Variants in ZNF286A observed in about 807,000 individuals in gnomAD.
ZNF286A encodes the protein zinc finger protein ZNF286.
In ZNF286A, 34 loss-of-function variants were observed where a neutral mutation model predicts 49.3. The observed-to-expected ratio is 0.69, with a 90% CI of 0.52 to 0.92. The LOEUF is 0.92. Among genes scored for constraint, ZNF286A ranks in the 40% least tolerant of loss-of-function variants. ZNF286A has a pLI of 0.00. For synonymous variants in ZNF286A, 155 were observed against 200.4 expected (o/e 0.77, Z 1.91); for missense variants, 462 against 600.2 (o/e 0.77, Z 2.41).
chr17:15,716,378 T>C lies in ZNF286A; in HGVS notation c.654T>C (p.His218=), dbSNP rs1443511784. ...TTCCCAAAGGATCTTATGCCTTCCA[T>C]ACACTTGAAAAAAGCTTGAAACAAA... ...DRVPKGSYAF[H]TLEKSLKQKS... Residue 218 remains histidine (H), a synonymous_variant, in exon 6 of 6, where the codon CAT becomes CAC. Transcript: ENST00000583566. 9.3e-6 allele frequency: 15 copies of C among 1,613,590 alleles called. No individual in the cohort carries two copies. The highest frequency in any genetic ancestry group is 6.8e-6 in the Non-Finnish European group (8 of 1,179,854).
intron 5 of ZNF286A, among the ~76,000 whole-genome samples, chr17:15,710,643 G>T (rs1011759590): frequency 6.6e-6 from 1 of 151,840 alleles, no homozygotes; most frequent in East Asian, 1.9e-4. Context: ...ATCCTTCCTG[G>T]ATATTATTAT....
chr17:15,710,130 T>G (rs539388678), intron 5 of ZNF286A, among the ~76,000 whole-genome samples: 2 of 152,312 alleles, frequency 1.3e-5, no homozygotes, highest in South Asian at 4.1e-4. Flanking sequence ...TTTATATCTT[T>G]TCTCTTGATT....
chr17:15,704,408 C>T (rs1300331473), intron 3 of ZNF286A: 6 of 1,607,034 alleles, frequency 3.7e-6, no homozygotes, highest in Non-Finnish European at 5.1e-6. Flanking sequence ...CCGGCTTCGG[C>T]CCTGCCGCTG....
At chr17:15,705,042 G>A (rs1365203023) in intron 3 of ZNF286A, 18 of 475,348 alleles carry the variant, frequency 3.8e-5, no homozygotes, top group South Asian at 4.0e-5. Flanking sequence ...TGCCTCTGAC[G>A]TCCGCCGCGC....
chr17:15,710,597 T>C (rs1473374072), intron 5 of ZNF286A, among the ~76,000 whole-genome samples: 5 of 152,204 alleles, frequency 3.3e-5, no homozygotes, highest in Non-Finnish European at 7.3e-5. Context: ...CTGTTTTATT[T>C]ACTATACTTA....
At chr17:15,708,893 C>T (rs1990439362) in intron 5 of ZNF286A, among the ~76,000 whole-genome samples, 1 of 152,124 alleles carries the variant, frequency 6.6e-6, no homozygotes, top group Non-Finnish European at 1.5e-5. Context: ...TGAATAATGC[C>T]ACTATGTACA....
intron 5 of ZNF286A, among the ~76,000 whole-genome samples, chr17:15,710,297 T>A (rs1408034759): frequency 3.3e-5 from 5 of 151,194 alleles, no homozygotes; most frequent in Non-Finnish European, 7.4e-5. Context: ...ACTTTTTTTT[T>A]AAATAGTGCT....
At position 15,704,912 on chromosome 17, in the gene ZNF286A, G is replaced by A. The variant is rs1482039604; in HGVS notation, c.127-1475G>A. 9.5e-6 allele frequency: 15 copies of A among 1,583,284 alleles called. No individual in the cohort carries two copies. The East Asian group carries it at 3.0e-4, about 32-fold the overall frequency. On this transcript the variant is annotated intron_variant, in intron 3 of 5. Coordinates refer to ENST00000583566, the MANE Select transcript of ZNF286A (RefSeq NM_001130842.2). ...ACGTTGGAGTTCATGGCTGCGGCCGGCCGGGGGCGGGTCCCCCCGGCCCCC... is the reference window on the plus strand; with the variant it reads ...ACGTTGGAGTTCATGGCTGCGGCCGACCGGGGGCGGGTCCCCCCGGCCCCC...
chr17:15,716,422 A>T lies in ZNF286A; in HGVS notation c.698A>T (p.Lys233Met). ...SLKQKSNLMK[K>M]QRTYKEKKPH... ...AAACAAAAATCAAACTTAATGAAAA[A>T]GCAGAGAACTTATAAAGAGAAAAAA... Residue 233 changes from lysine (K) to methionine (M), a missense_variant, in exon 6 of 6, where the codon AAG becomes ATG. Lys to Met is a moderately conservative substitution (Grantham distance 95, BLOSUM62 -1). Transcript: ENST00000583566. 1 of 1,613,328 alleles carries T rather than the reference A, an allele frequency of 6.2e-7. No individual in the cohort carries two copies. Among genetic ancestry groups the T allele is most frequent in the Non-Finnish European group, 8.5e-7 (1 of 1,179,768 alleles).
Position 15,718,802 on chromosome 17 carries a change from G to A in ZNF286A, c.*1512G>A. ...ACTGGGTAACTTATAAAGAAAAAAG[G>A]TTTAATTGGCTCATGGTTCCATGGG... is the stretch of plus-strand genomic sequence containing the variant. On this transcript the variant is annotated 3_prime_UTR_variant, in exon 6 of 6. Transcript: ENST00000583566. 1 of 147,412 alleles carries A rather than the reference G, an allele frequency of 6.8e-6. No individual in the cohort carries two copies. Among genetic ancestry groups the A allele is most frequent in the African/African-American group, 2.6e-5 (1 of 38,302 alleles). The allele number at this position is 147,412 out of a possible 1,614,324, so 9.1% of individuals were successfully genotyped here.
At chr17:15,715,965 T>C in intron 5 of ZNF286A, 94 bp from the exon 6 acceptor site, 6 of 1,557,468 alleles carry the variant, frequency 3.9e-6, no homozygotes, top group Non-Finnish European at 5.2e-6. Flanking sequence ...CTTGAAGGCA[T>C]GCTTTTCACT....
intron 4 of ZNF286A, among the ~76,000 whole-genome samples, chr17:15,707,081 A>G (rs1487720234): frequency 6.6e-6 from 1 of 152,094 alleles, no homozygotes. Flanking sequence ...CATGCATATG[A>G]TTGTATGAGG....
chr17:15,716,026 A>G, intron 5 of ZNF286A, 33 bp from the exon 6 acceptor site: 5 of 1,613,804 alleles, frequency 3.1e-6, no homozygotes, highest in Non-Finnish European at 4.2e-6. Context: ...AGCACAGAAA[A>G]CGAAGGAAAT....
Position 15,719,454 on chromosome 17 carries a change from C to G in ZNF286A, c.*2164C>G, listed in dbSNP as rs985273327. 7 of 149,586 alleles carry G rather than the reference C, an allele frequency of 4.7e-5. No individual in the cohort carries two copies. Among genetic ancestry groups the G allele is most frequent in the African/African-American group, 1.7e-4 (7 of 40,284 alleles). The allele number at this position is 149,586 out of a possible 1,614,324, so 9.3% of individuals were successfully genotyped here. A position where few individuals can be genotyped will look rare whatever the true frequency, so the allele number is the denominator to read the frequency against. ...ATAAGCAACAGAAACTTACTTCTCA[C>G]AGTTTTGGAGGCTGGGAAGTCCAAG... On this transcript the variant is annotated 3_prime_UTR_variant, in exon 6 of 6. Transcript: ENST00000583566.
intron 2 of ZNF286A, chr17:15,700,725 C>CTG: frequency 2.1e-6 from 1 of 474,814 alleles, no homozygotes; most frequent in South Asian, 2.1e-5. Context: ...GAAGGTTGTG[C>CTG]TGTGACCTCC....
chr17:15,709,016 C>G (rs1443278860), intron 5 of ZNF286A, among the ~76,000 whole-genome samples: 1 of 151,920 alleles, frequency 6.6e-6, no homozygotes, highest in African/African-American at 2.4e-5. Context: ...TAGATAGTGC[C>G]AAAGAGGTTT....
chr17:15,713,080 G>A (rs1349379147), intron 5 of ZNF286A, among the ~76,000 whole-genome samples: 2 of 152,120 alleles, frequency 1.3e-5, no homozygotes, highest in African/African-American at 4.8e-5. Context: ...AAAATTTTAA[G>A]CTATTAGCTA....
Position 15,719,674 on chromosome 17 carries a change from CG to C in ZNF286A, c.*2385del, listed in dbSNP as rs1490361127. ...TCCAAAAGGCCCCATTTCGTAATACCGTCAGTTAAGTTTCATTATATGACTT... is the reference window on the plus strand; with the variant it reads ...TCCAAAAGGCCCCATTTCGTAATACCTCAGTTAAGTTTCATTATATGACTT... On this transcript the variant is annotated 3_prime_UTR_variant, in exon 6 of 6. Coordinates refer to ENST00000583566, the MANE Select transcript of ZNF286A (RefSeq NM_001130842.2). 6.6e-6 allele frequency: 1 copy of C among 152,064 alleles called. No individual in the cohort carries two copies. The highest frequency in any genetic ancestry group is 6.6e-5 in the Admixed American group (1 of 15,258). The allele number at this position is 152,064 out of a possible 1,614,324, so 9.4% of individuals were successfully genotyped here. A position where few individuals can be genotyped will look rare whatever the true frequency, so the allele number is the denominator to read the frequency against.
intron 3 of ZNF286A, among the ~76,000 whole-genome samples, chr17:15,703,756 A>T (rs1479024973): frequency 6.6e-6 from 1 of 152,168 alleles, no homozygotes; most frequent in African/African-American, 2.4e-5. Context: ...AAATTTGCTC[A>T]TTCACATATA....
Sources: gnomAD v4.1 joint callset for allele counts (sites outside exome capture counted in the v4.1 genomes callset) on GRCh38, gnomAD v4.1.1 for gene constraint, MANE v1.5 for transcripts, NCBI Gene and HGNC (gene_info 2026-07-23, HGNC 2026-07-21) for gene names.